The following PHKA2 variants were observed in gnomAD, a reference collection of about 807,000 sequenced individuals.
PHKA2 encodes the protein phosphorylase b kinase regulatory subunit alpha, liver isoform.
PHKA2 carries 31 observed loss-of-function variants against 102.0 expected under a neutral mutation model. The observed-to-expected ratio is 0.30, with a 90% CI of 0.23 to 0.41. The LOEUF (loss-of-function observed/expected upper bound fraction) is 0.41. Ranked by LOEUF, PHKA2 falls within the 10% of genes least tolerant of loss-of-function variation. The pLI is 1.00. For missense variants in PHKA2, 858 were observed against 1,023.1 expected, an observed-to-expected ratio of 0.84 and a Z score of 2.20; for synonymous variants, 455 against 416.2, an observed-to-expected ratio of 1.09 and a Z score of -1.13.
In PHKA2 at chrX:18,893,044, G is replaced by C; in HGVS notation, c.*441C>G. On this transcript the variant is annotated 3_prime_UTR_variant, in exon 33 of 33. Transcript: ENST00000379942. ...GACAGACTGCATCCTGTGAAGAGGT[G>C]GCCCTTGTCAAGGCTACTGCCGCCA... 5.0e-6 allele frequency: 1 copy of C among 198,931 alleles called. No individual in the cohort carries two copies. Among genetic ancestry groups the C allele is most frequent in the Non-Finnish European group, 9.5e-6 (1 of 105,602 alleles). 16.4% of individuals were successfully genotyped at this position (198,931 alleles called of 1,213,427 possible). A position where few individuals can be genotyped will look rare whatever the true frequency, so the allele number is the denominator to read the frequency against.
At chrX:18,910,845 T>A (rs1569300492) in intron 20 of PHKA2, 27 bp downstream of exon 20, 5 of 979,490 alleles carry the variant, frequency 5.1e-6, no homozygotes, top group Non-Finnish European at 7.2e-6. Context: ...ACCATACTTT[T>A]AAAAAAAGCT....
chrX:18,981,510 T>C (rs2049170751), intron 1 of PHKA2, among the ~76,000 whole-genome samples: 2 of 111,481 alleles, frequency 1.8e-5, no homozygotes, highest in Admixed American at 1.9e-4. Flanking sequence ...GTTATTAGGA[T>C]GACTCAGGTC....
chrX:18,922,460 C>G (rs2048139137), intron 17 of PHKA2, among the ~76,000 whole-genome samples: 1 of 111,295 alleles, frequency 9.0e-6, no homozygotes, highest in Admixed American at 9.6e-5. Context: ...AAGCTTGGAT[C>G]AAGGGCCACT....
intron 11 of PHKA2, among the ~76,000 whole-genome samples, chrX:18,932,576 T>C (rs1466249188): frequency 9.1e-6 from 1 of 110,169 alleles, no homozygotes; most frequent in Non-Finnish European, 1.9e-5. Context: ...AAATTTAAAA[T>C]TTTTTCAATA....
Position 18,901,608 on chromosome X carries a change from G to A in PHKA2, c.2909-5C>T, listed in dbSNP as rs1569293679. 1 of 1,123,203 alleles carries A rather than the reference G, an allele frequency of 8.9e-7. No homozygotes were observed. The highest frequency in any genetic ancestry group is 2.2e-5 in the Admixed American group (1 of 45,615). The allele number at this position is 1,123,203 out of a possible 1,213,427, so 92.6% of individuals were successfully genotyped here. ...TGGAGGAGTGGATAGGGCGCACTGG[G>A]TGGGAAACACACACACGTGGTTCTC... On this transcript the variant is annotated splice_polypyrimidine_tract_variant and splice_region_variant and intron_variant, in intron 26 of 32. Coordinates refer to ENST00000379942, the MANE Select transcript of PHKA2 (RefSeq NM_000292.3).
chrX:18,903,982 G>A (rs2047754280), intron 26 of PHKA2, among the ~76,000 whole-genome samples: 1 of 111,954 alleles, frequency 8.9e-6, no homozygotes, highest in Non-Finnish European at 1.9e-5. Context: ...CTGGGCATCT[G>A]CCTGTGCTGG....
In PHKA2 at chrX:18,983,715, C is replaced by T. The variant is rs1047970516; in HGVS notation, c.78+140G>A. ...CACGGGGTGGCAATGGGGTGGTAAT[C>T]ACTGGCTAGCAAGGACTAGATTCAA... On this transcript the variant is annotated intron_variant, in intron 1 of 32. Transcript: ENST00000379942. 86 of 561,429 alleles carry T rather than the reference C, an allele frequency of 1.5e-4. No homozygotes were observed. In the Middle Eastern group the frequency reaches 2.3e-3, roughly 15 times the overall value. The allele number at this position is 561,429 out of a possible 1,213,427, so 46.3% of individuals were successfully genotyped here.
intron 28 of PHKA2, 67 bp downstream of exon 28, chrX:18,900,603 C>A: frequency 9.8e-7 from 1 of 1,019,264 alleles, no homozygotes; most frequent in Non-Finnish European, 1.4e-6. Context: ...GGAGTCACAG[C>A]CTCACTTTCC....
At chrX:18,949,382 C>T (rs957960698) in intron 4 of PHKA2, among the ~76,000 whole-genome samples, 2 of 111,900 alleles carry the variant, frequency 1.8e-5, no homozygotes, top group African/African-American at 6.5e-5. Flanking sequence ...ATGAGGGCAG[C>T]TTAACTAGTA....
intron 26 of PHKA2, 39 bp from the exon 27 acceptor site, chrX:18,901,642 T>G: frequency 4.3e-6 from 4 of 927,507 alleles, no homozygotes; most frequent in Non-Finnish European, 6.3e-6. Context: ...TCAGGAACTC[T>G]ACAGCATCCA....
At chrX:18,925,144 G>C (rs2048189662) in intron 15 of PHKA2, among the ~76,000 whole-genome samples, 1 of 112,443 alleles carries the variant, frequency 8.9e-6, no homozygotes, top group Non-Finnish European at 1.9e-5. Flanking sequence ...GGTAAGCAGG[G>C]ATTGTGCCCT....
At chrX:18,929,870 T>C (rs761966484) in intron 12 of PHKA2, among the ~76,000 whole-genome samples, 37 of 111,871 alleles carry the variant, frequency 3.3e-4, no homozygotes, top group African/African-American at 1.1e-3. Context: ...ACAAATATTC[T>C]CTGTAAAAAC....
Position 18,924,451 on chromosome X carries a change from G to T in PHKA2, c.1644C>A (p.Ala548=). 8.3e-7 allele frequency: 1 copy of T among 1,209,410 alleles called. No homozygotes were observed. Among genetic ancestry groups the T allele is most frequent in the Non-Finnish European group, 1.1e-6 (1 of 893,483 alleles). Reference sequence around the variant, plus strand: ...TCATCCTCCAGCAGGTGCACAGGTAGGCCAGCTCGATCCTTAGCATCTCCA... The same window carrying T: ...TCATCCTCCAGCAGGTGCACAGGTATGCCAGCTCGATCCTTAGCATCTCCA... ...MIVEMLRIEL[A]YLCTCWRMTG... The change falls in exon 16 of 33, where the codon GCC becomes GCA. Residue 548 remains alanine (A), a synonymous_variant. Transcript: ENST00000379942.
chrX:18,951,683 GCTGA>G (rs1169169320), intron 3 of PHKA2, among the ~76,000 whole-genome samples: 1 of 111,611 alleles, frequency 9.0e-6, no homozygotes, highest in African/African-American at 3.3e-5. Flanking sequence ...CTTTTCTTGC[GCTGA>G]CTGAGAGTGA....
intron 1 of PHKA2, among the ~76,000 whole-genome samples, chrX:18,982,691 G>T (rs2049189715): frequency 9.0e-6 from 1 of 111,519 alleles, no homozygotes; most frequent in Non-Finnish European, 1.9e-5. Flanking sequence ...AAAATTAGCT[G>T]GGTGTGGTGG....
intron 1 of PHKA2, among the ~76,000 whole-genome samples, chrX:18,977,918 T>G (rs759048200): frequency 8.9e-6 from 1 of 112,121 alleles, no homozygotes; most frequent in South Asian, 3.7e-4. Context: ...TCCCAACACT[T>G]TGGGAGGCCG....
chrX:18,976,539 C>T (rs1039357996), intron 1 of PHKA2, among the ~76,000 whole-genome samples: 1 of 111,777 alleles, frequency 8.9e-6, no homozygotes, highest in Admixed American at 9.5e-5. Flanking sequence ...GAAAATACTA[C>T]ATACAATAAA....
intron 17 of PHKA2, among the ~76,000 whole-genome samples, chrX:18,922,136 C>G (rs2048132723): frequency 9.0e-6 from 1 of 111,124 alleles, no homozygotes; most frequent in African/African-American, 3.3e-5. Context: ...ATCCCAGCTA[C>G]CTGGGAGGCC....
intron 6 of PHKA2, 55 bp from the exon 7 acceptor site, chrX:18,943,863 T>C: frequency 2.4e-6 from 2 of 836,756 alleles, no homozygotes; most frequent in South Asian, 2.0e-5. Context: ...CACTCCAATA[T>C]CTGGTGTTCC....
Sources: allele counts gnomAD v4.1 joint callset (sites outside exome capture counted in the v4.1 genomes callset), GRCh38; gene constraint gnomAD v4.1.1; transcripts MANE v1.5; gene names NCBI Gene and HGNC (gene_info 2026-07-23, HGNC 2026-07-21).